Variants in MRPS35 observed in about 807,000 individuals in gnomAD.
MRPS35 encodes the protein small ribosomal subunit protein mS35.
In MRPS35, 29 loss-of-function variants were observed where a neutral mutation model predicts 32.7. The observed-to-expected ratio is 0.89, with a 90% confidence interval of 0.66 to 1.21. The LOEUF (loss-of-function observed/expected upper bound fraction) is 1.21, where lower values mean the gene tolerates loss of function less well. MRPS35 is among the 50% of genes most tolerant of loss of function. The pLI is 0.00. For synonymous variants in MRPS35, 148 were observed against 139.3 expected (o/e 1.06, Z -0.44); for missense variants, 373 against 383.8 (o/e 0.97, Z 0.23).
chr12:27,716,040 G>A (rs2061848933), intron 2 of MRPS35, among the ~76,000 whole-genome samples: 1 of 152,124 alleles, frequency 6.6e-6, no homozygotes, highest in Non-Finnish European at 1.5e-5. Flanking sequence ...GAAATTTTTA[G>A]TGAAGAAAAT....
At chr12:27,725,798 C>CA (rs2061897372) in intron 5 of MRPS35, 1 of 68,242 alleles carries the variant, frequency 1.5e-5, no homozygotes, top group Non-Finnish European at 2.4e-5. Context: ...CCTTGTATAC[C>CA]TTTTTTTTTT....
intron 2 of MRPS35, 46 bp downstream of exon 2, chr12:27,714,866 TA>T (rs2061843506): frequency 6.6e-7 from 1 of 1,520,290 alleles, no homozygotes; most frequent in Non-Finnish European, 9.1e-7. Flanking sequence ...TCTGGAGTTC[TA>T]AAATGAGGCA....
In MRPS35 at chr12:27,716,333, T is replaced by C; in HGVS notation, c.196T>C (p.Trp66Arg). 1 of 1,613,832 alleles carries C rather than the reference T, an allele frequency of 6.2e-7. No individual in the cohort carries two copies. The highest frequency in any genetic ancestry group is 8.5e-7 in the Non-Finnish European group (1 of 1,179,862). Reference protein sequence around the residue: ...RTEKMAVDQDWPSVYPVAAPF... With the variant: ...RTEKMAVDQDRPSVYPVAAPF... Reference sequence around the variant, plus strand: ...AGAGAAAATGGCTGTTGACCAGGACTGGCCTAGTGTTTACCCAGTTGCAGC... The same window carrying C: ...AGAGAAAATGGCTGTTGACCAGGACCGGCCTAGTGTTTACCCAGTTGCAGC... Residue 66 changes from tryptophan to arginine, a missense_variant, in exon 3 of 8, where the codon TGG becomes CGG. Trp to Arg is a moderately radical substitution (Grantham distance 101). Transcript: ENST00000081029.
intron 6 of MRPS35, among the ~76,000 whole-genome samples, chr12:27,736,570 G>T (rs952074142): frequency 3.3e-5 from 5 of 151,644 alleles, no homozygotes; most frequent in African/African-American, 1.2e-4. Context: ...ATTTAGAGTA[G>T]AGGACTTAAA....
intron 5 of MRPS35, among the ~76,000 whole-genome samples, chr12:27,726,399 G>A (rs775999158): frequency 1.3e-5 from 2 of 151,830 alleles, no homozygotes; most frequent in African/African-American, 2.4e-5. Flanking sequence ...TTCATTAATT[G>A]GTGGACATTT....
intron 5 of MRPS35, among the ~76,000 whole-genome samples, chr12:27,728,768 A>G (rs2061910087): frequency 6.6e-6 from 1 of 152,010 alleles, no homozygotes; most frequent in Non-Finnish European, 1.5e-5. Flanking sequence ...ATCTTGTAAC[A>G]TTTCCTATCT....
chr12:27,719,223 T>C (rs1460057066), intron 3 of MRPS35, among the ~76,000 whole-genome samples: 2 of 152,212 alleles, frequency 1.3e-5, no homozygotes, highest in South Asian at 2.1e-4. Flanking sequence ...TTCATCATGA[T>C]TGTCATTATA....
chr12:27,711,929 G>A lies in MRPS35; in HGVS notation c.112+974G>A, dbSNP rs139240244. ...ATACTTAACTCCTATTGTATACCAT[G>A]CAGTGTTCTAGACACTCACCGGAGA... On this transcript the variant is annotated intron_variant, in intron 1 of 7. Coordinates refer to ENST00000081029, the MANE Select transcript of MRPS35 (RefSeq NM_021821.4). Among the ~76,000 whole-genome samples, 18 of 138,678 alleles carry A rather than the reference G, an allele frequency of 1.3e-4. No individual in the cohort carries two copies. The East Asian group carries it at 3.5e-3, about 27-fold the overall frequency. 91.0% of individuals were successfully genotyped at this position (138,678 alleles called of 152,430 possible). A position where few individuals can be genotyped will look rare whatever the true frequency, so the allele number is the denominator to read the frequency against.
In MRPS35 at chr12:27,724,186, A is replaced by G; in HGVS notation, c.522A>G (p.Arg174=). 5 of 1,552,414 alleles carry G rather than the reference A, an allele frequency of 3.2e-6. No homozygotes were observed. Among genetic ancestry groups the G allele is most frequent in the South Asian group, 1.2e-5 (1 of 80,600 alleles). Residue 174 remains arginine, a splice_region_variant and synonymous_variant, in exon 5 of 8, where the codon AGA becomes AGG. Transcript: ENST00000081029. The part of the protein sequence containing the change: ...RNPRARVVVL[R]VKLSSLNLDD... ...CCAGAGCACGAGTAGTAGTCTTAAG[A>G]GTAAGAGTTTTTTTCATTTTTTTTT...
intron 7 of MRPS35, among the ~76,000 whole-genome samples, chr12:27,754,765 C>CAAAAAAAA (rs149548847): frequency 9.7e-6 from 1 of 103,558 alleles, no homozygotes; most frequent in African/African-American, 3.8e-5. Flanking sequence ...AGACCCATCT[C>CAAAAAAAA]AAAAAAAAAA....
At chr12:27,739,940 A>G (rs1393216199) in intron 7 of MRPS35, among the ~76,000 whole-genome samples, 1 of 152,222 alleles carries the variant, frequency 6.6e-6, no homozygotes, top group African/African-American at 2.4e-5. Context: ...GATTACTTTG[A>G]TGCCAGGATA....
intron 7 of MRPS35, among the ~76,000 whole-genome samples, chr12:27,751,711 T>G (rs535083181): frequency 1.3e-5 from 2 of 152,340 alleles, no homozygotes; most frequent in South Asian, 2.1e-4. Flanking sequence ...CACCAGTGCC[T>G]GCACAAGAGC....
At chr12:27,712,275 G>A (rs1477159208) in intron 1 of MRPS35, among the ~76,000 whole-genome samples, 1 of 152,212 alleles carries the variant, frequency 6.6e-6, no homozygotes, top group African/African-American at 2.4e-5. Context: ...AGTGTGAGTA[G>A]AGGAGAGAGT....
intron 7 of MRPS35, among the ~76,000 whole-genome samples, chr12:27,746,240 CT>C (rs974111747): frequency 6.6e-6 from 1 of 152,010 alleles, no homozygotes. Flanking sequence ...GTTGGCTTGT[CT>C]TTTTTAAGAC....
intron 3 of MRPS35, 80 bp downstream of exon 3, chr12:27,716,538 T>C: frequency 7.1e-7 from 1 of 1,418,162 alleles, no homozygotes; most frequent in Non-Finnish European, 9.9e-7. Flanking sequence ...TGCTCTCTTA[T>C]GCTTCACCGT....
intron 7 of MRPS35, among the ~76,000 whole-genome samples, chr12:27,749,109 G>A (rs1197013039): frequency 4.0e-5 from 6 of 150,294 alleles, no homozygotes; most frequent in Non-Finnish European, 8.8e-5. Flanking sequence ...GTGTTAATGG[G>A]CCATCTTTGG....
intron 7 of MRPS35, among the ~76,000 whole-genome samples, chr12:27,751,102 CAAAAA>C (rs71438703): frequency 5.2e-4 from 20 of 38,138 alleles, no homozygotes; most frequent in Middle Eastern, 0.031. Context: ...GACTCCATCT[CAAAAA>C]AAAAAAAAAA....
chr12:27,735,839 T>C (rs1283890165), intron 6 of MRPS35, among the ~76,000 whole-genome samples: 1 of 152,182 alleles, frequency 6.6e-6, no homozygotes, highest in African/African-American at 2.4e-5. Flanking sequence ...AAGAAAAAAG[T>C]GTGGTTTGCT....
At chr12:27,716,258 A>G in intron 2 of MRPS35, 33 bp from the exon 3 acceptor site, 1 of 1,487,298 alleles carries the variant, frequency 6.7e-7, no homozygotes, top group South Asian at 1.4e-5. Flanking sequence ...ATGTGTTTAT[A>G]TTTAAAATAC....
Sources: gnomAD v4.1 joint callset for allele counts (sites outside exome capture counted in the v4.1 genomes callset) on GRCh38, gnomAD v4.1.1 for gene constraint, MANE v1.5 for transcripts, NCBI Gene and HGNC (gene_info 2026-07-23, HGNC 2026-07-21) for gene names.